Variants in ZNF490 observed in about 807,000 individuals in gnomAD.
ZNF490 encodes zinc finger protein 490.
A neutral mutation model predicts 17.7 loss-of-function variants in ZNF490; 11 were observed. That is an observed-to-expected ratio of 0.62 (90% CI 0.39 to 1.03). ZNF490 has a LOEUF of 1.03. Ranked by LOEUF, ZNF490 falls within the 50% of genes least tolerant of loss-of-function variation. ZNF490 has a pLI of 0.00. For missense variants in ZNF490, 542 were observed against 643.4 expected (o/e 0.84, Z 1.71); for synonymous variants, 222 against 216.1 (o/e 1.03, Z -0.24).
At position 12,578,233 on chromosome 19, in the gene ZNF490, T is replaced by C. The variant is rs963904094; in HGVS notation, c.*2252A>G. 1 of 985,440 alleles carries C rather than the reference T, an allele frequency of 1.0e-6. No individual in the cohort carries two copies. The highest frequency in any genetic ancestry group is 1.2e-6 in the Non-Finnish European group (1 of 830,038). The allele number at this position is 985,440 out of a possible 1,614,324, so 61.0% of individuals were successfully genotyped here. A position where few individuals can be genotyped will look rare whatever the true frequency, so the allele number is the denominator to read the frequency against. ...CCGCTGAATATCTCAGGGTAGAATG[T>C]GCCAGAAAACAGGGAAAGCAAGTTA... On this transcript the variant is annotated 3_prime_UTR_variant, in exon 5 of 5. Transcript: ENST00000311437.
At chr19:12,598,019 A>C (rs1288622008) in intron 2 of ZNF490, among the ~76,000 whole-genome samples, 1 of 152,108 alleles carries the variant, frequency 6.6e-6, no homozygotes, top group Non-Finnish European at 1.5e-5. Flanking sequence ...AGGTCAAGTG[A>C]TCGAGACCAT....
chr19:12,603,644 T>A (rs181068570), intron 2 of ZNF490, among the ~76,000 whole-genome samples: 7 of 151,870 alleles, frequency 4.6e-5, no homozygotes, highest in African/African-American at 1.4e-4. Context: ...TAGAAAAAAA[T>A]AGCCAGATGT....
chr19:12,583,033 T>C lies in ZNF490; in HGVS notation c.290-123A>G, dbSNP rs141962245. 1.1e-3 allele frequency: 950 copies of C among 832,698 alleles called. 3 individuals are homozygous for C. The African/African-American group carries it at 0.015, about 13-fold the overall frequency. 51.6% of individuals were successfully genotyped at this position (832,698 alleles called of 1,614,324 possible). A position where few individuals can be genotyped will look rare whatever the true frequency, so the allele number is the denominator to read the frequency against. Reference sequence around the variant, plus strand: ...ACTGTCTGATCTACTTACTAAAGTATTCTCTTCCCACATTTTTTTTTTTTT... The same window carrying C: ...ACTGTCTGATCTACTTACTAAAGTACTCTCTTCCCACATTTTTTTTTTTTT... On this transcript the variant is annotated intron_variant, in intron 3 of 4. Coordinates refer to ENST00000311437, the MANE Select transcript of ZNF490 (RefSeq NM_020714.3).
chr19:12,589,556 TTTCTTC>T (rs1212195331), intron 2 of ZNF490, among the ~76,000 whole-genome samples: 1 of 143,050 alleles, frequency 7.0e-6, no homozygotes, highest in Non-Finnish European at 1.5e-5. Context: ...TAGAAGGGAA[TTTCTTC>T]TTCTTCTTTT....
rs1400465274 is a variant in ZNF490 at position 12,609,201 on chromosome 19, A to C, written c.119T>G (p.Met40Arg). ...TGTGGSDVLQ[M>R]QNSEHHGQSI... ...TTGTCCATGGTGTTCACTGTTCTGC[A>C]TCTAATTAGAAACAAGAGGATGCAT... Residue 40 changes from methionine (M) to arginine (R), a missense_variant and splice_region_variant, in exon 2 of 5, where the codon ATG (methionine) becomes AGG (arginine). By Grantham distance (91) the Met-to-Arg change is moderately conservative. Coordinates refer to ENST00000311437, the MANE Select transcript of ZNF490 (RefSeq NM_020714.3). 19 of 1,613,918 alleles carry C rather than the reference A, an allele frequency of 1.2e-5. No individual in the cohort carries two copies. Among genetic ancestry groups the C allele is most frequent in the Non-Finnish European group, 1.5e-5 (18 of 1,179,964 alleles).
At chr19:12,594,229 G>A (rs2145153559) in intron 2 of ZNF490, among the ~76,000 whole-genome samples, 1 of 152,268 alleles carries the variant, frequency 6.6e-6, no homozygotes, top group East Asian at 1.9e-4. Context: ...ACTTTGGGAG[G>A]CCATGGCAGG....
chr19:12,600,957 G>A (rs1163186707), intron 2 of ZNF490, among the ~76,000 whole-genome samples: 1 of 152,014 alleles, frequency 6.6e-6, no homozygotes, highest in Non-Finnish European at 1.5e-5. Flanking sequence ...AGGTGTGGTG[G>A]TGCACGCCTG....
In ZNF490 at chr19:12,585,191, T is replaced by C. The variant is rs1413402827; in HGVS notation, c.163-1635A>G. 2.1e-5 allele frequency among the ~76,000 whole-genome samples: 2 copies of C among 93,912 alleles called. 1 individual carries two copies. The highest frequency in any genetic ancestry group is 5.7e-5 in the Non-Finnish European group (2 of 34,940). The allele number at this position is 93,912 out of a possible 152,430, so 61.6% of individuals were successfully genotyped here. On this transcript the variant is annotated intron_variant, in intron 2 of 4. Transcript: ENST00000311437. ...ATGAGGGTGACCCAGGCTTTCTTCC[T>C]ACCACGTCCATATGTGGGGTACACA...
intron 2 of ZNF490, among the ~76,000 whole-genome samples, chr19:12,594,300 T>C (rs1257667259): frequency 6.6e-6 from 1 of 151,970 alleles, no homozygotes; most frequent in Non-Finnish European, 1.5e-5. Flanking sequence ...ACCCCGTCTC[T>C]ACTAAAAATA....
chr19:12,596,711 T>C (rs2022937968), intron 2 of ZNF490, among the ~76,000 whole-genome samples: 1 of 151,950 alleles, frequency 6.6e-6, no homozygotes, highest in Admixed American at 6.6e-5. Flanking sequence ...AGACAGTGGG[T>C]CAGTGCCTGG....
chr19:12,603,788 C>CA (rs34129438), intron 2 of ZNF490, among the ~76,000 whole-genome samples: 87,622 of 139,670 alleles, frequency 0.63, 27,480 homozygotes, highest in Non-Finnish European at 0.69. Context: ...GACCCTATCT[C>CA]AAAAAAAAAA....
rs1158771326 is a variant in ZNF490, at chr19:12,577,961, T to A, written c.*2524A>T. On this transcript the variant is annotated 3_prime_UTR_variant, in exon 5 of 5. Transcript: ENST00000311437. The stretch of plus-strand genomic sequence containing the variant: ...TTCAGAAAACGGAGAATTCGGAGGC[T>A]CCAGCAAGCAGTTTATTGGGAGTTG... 1 of 983,132 alleles carries A rather than the reference T, an allele frequency of 1.0e-6. No individual in the cohort carries two copies. Among genetic ancestry groups the A allele is most frequent in the Non-Finnish European group, 1.2e-6 (1 of 829,480 alleles). The allele number at this position is 983,132 out of a possible 1,614,324, so 60.9% of individuals were successfully genotyped here.
rs1478077049 is a variant in ZNF490 at position 12,587,930 on chromosome 19, C to T, written c.163-4374G>A. Among the ~76,000 whole-genome samples, 4 of 94,050 alleles carry T rather than the reference C, an allele frequency of 4.3e-5. 1 individual carries two copies. Among genetic ancestry groups the T allele is most frequent in the East Asian group, 2.0e-4 (1 of 4,898 alleles). 61.7% of individuals were successfully genotyped at this position (94,050 alleles called of 152,430 possible). A position where few individuals can be genotyped will look rare whatever the true frequency, so the allele number is the denominator to read the frequency against. ...TGTTGCCCAGGCTGGAGTGCGATGG[C>T]GCAATCTCGGCTCGCTACAACCTCC... On this transcript the variant is annotated intron_variant, in intron 2 of 4. Coordinates refer to ENST00000311437, the MANE Select transcript of ZNF490 (RefSeq NM_020714.3).
At chr19:12,608,130 A>T (rs771954764) in intron 2 of ZNF490, among the ~76,000 whole-genome samples, 1 of 152,218 alleles carries the variant, frequency 6.6e-6, no homozygotes, top group Non-Finnish European at 1.5e-5. Context: ...TTACAGAGTC[A>T]CTTAGATCAG....
rs1599302811 is a variant in ZNF490, at chr19:12,578,090, T to G, written c.*2395A>C. The G allele has an allele frequency of 3.0e-6, 3 of 985,306 alleles. No homozygotes were observed. Among genetic ancestry groups the G allele is most frequent in the Non-Finnish European group, 3.6e-6 (3 of 829,954 alleles). The allele number at this position is 985,306 out of a possible 1,614,324, so 61.0% of individuals were successfully genotyped here. On this transcript the variant is annotated 3_prime_UTR_variant, in exon 5 of 5. Coordinates refer to ENST00000311437, the MANE Select transcript of ZNF490 (RefSeq NM_020714.3). Reference sequence around the variant, plus strand: ...CAGAGCTGGAGCGCTGCAGGGTGGGTCCTTTTCCAAGAAGAGCTAAGTGCT... The same window carrying G: ...CAGAGCTGGAGCGCTGCAGGGTGGGGCCTTTTCCAAGAAGAGCTAAGTGCT...
At chr19:12,595,149 T>C (rs7247072) in intron 2 of ZNF490, among the ~76,000 whole-genome samples, 88,151 of 151,316 alleles carry the variant, frequency 0.58, 26,710 homozygotes, top group Non-Finnish European at 0.68. Context: ...TTCTCTCTCT[T>C]TTTTTTTTTG....
chr19:12,583,135 G>A (rs574824417), intron 3 of ZNF490, among the ~76,000 whole-genome samples: 54 of 151,010 alleles, frequency 3.6e-4, no homozygotes, highest in African/African-American at 1.0e-3. Context: ...TCGGCCTCCC[G>A]GGTTCAAGCA....
intron 2 of ZNF490, among the ~76,000 whole-genome samples, chr19:12,603,982 C>A (rs1313999709): frequency 1.3e-5 from 2 of 152,100 alleles, no homozygotes; most frequent in African/African-American, 4.8e-5. Context: ...GCCAGGGAAC[C>A]AACCATGTGA....
At chr19:12,584,268 T>A in intron 2 of ZNF490, among the ~76,000 whole-genome samples, 1 of 90,822 alleles carries the variant, frequency 1.1e-5, no homozygotes, top group Admixed American at 1.0e-4. Flanking sequence ...GTGATTATCC[T>A]GCCCCAACCT....
Sources: gnomAD v4.1 joint callset for allele counts (sites outside exome capture counted in the v4.1 genomes callset) on GRCh38, gnomAD v4.1.1 for gene constraint, MANE v1.5 for transcripts, NCBI Gene and HGNC (gene_info 2026-07-23, HGNC 2026-07-21) for gene names.